The following TENM3 variants were observed in gnomAD, a reference collection of about 807,000 sequenced individuals.
TENM3 encodes teneurin transmembrane protein 3.
Under a neutral mutation model 255.1 loss-of-function variants are expected in TENM3, and 63 were observed. That is an observed-to-expected ratio of 0.25 (90% CI 0.20 to 0.30). The LOEUF (loss-of-function observed/expected upper bound fraction) is 0.30, where lower values mean the gene tolerates loss of function less well. TENM3 is among the 10% of genes least tolerant of loss of function. The pLI is 1.00. For synonymous variants in TENM3, 1,306 were observed against 1,322.3 expected (o/e 0.99, Z 0.27); for missense variants, 2,929 against 3,461.1 (o/e 0.85, Z 3.86).
At chr4:182,028,969 T>C in the TENM3 span, among the ~76,000 whole-genome samples, 1 of 152,170 alleles carries the variant, frequency 6.6e-6, no homozygotes, top group Non-Finnish European at 1.5e-5. Context: ...ATTTAGTCTA[T>C]AGTGCAGATT....
At chr4:181,722,352 T>C in the TENM3 span, among the ~76,000 whole-genome samples, 74 of 152,300 alleles carry the variant, frequency 4.9e-4, 2 homozygotes, top group East Asian at 7.0e-3. Context: ...CTTAAGAATA[T>C]CCTCCAATGA....
At chr4:181,531,964 C>G in the TENM3 span, among the ~76,000 whole-genome samples, 1 of 152,192 alleles carries the variant, frequency 6.6e-6, no homozygotes, top group South Asian at 2.1e-4. Context: ...CTTCGCACAA[C>G]CATCCCCAGG....
At chr4:182,333,463 A>C (rs1213246894) in intron 2 of TENM3, among the ~76,000 whole-genome samples, 1 of 152,214 alleles carries the variant, frequency 6.6e-6, no homozygotes, top group African/African-American at 2.4e-5. Context: ...AATTAGATTA[A>C]TAAATCAAAG....
At chr4:182,281,856 C>T (rs1760405451) in intron 1 of TENM3, among the ~76,000 whole-genome samples, 1 of 152,158 alleles carries the variant, frequency 6.6e-6, no homozygotes, top group African/African-American at 2.4e-5. Flanking sequence ...CTGCCTCAGC[C>T]TCCAGAGTAG....
At chr4:182,155,255 TTTAAAAGA>T (rs1750624973) in intron 1 of TENM3, among the ~76,000 whole-genome samples, 2 of 152,144 alleles carry the variant, frequency 1.3e-5, no homozygotes. Flanking sequence ...TTCTAAAAGT[TTTAAAAGA>T]GTAGTAAAGT....
intron 1 of TENM3, among the ~76,000 whole-genome samples, chr4:182,167,487 A>G (rs998523350): frequency 4.6e-5 from 7 of 152,244 alleles, no homozygotes; most frequent in Admixed American, 3.9e-4. Context: ...TTCAGGAGGC[A>G]TAACAGGATG....
the TENM3 span, among the ~76,000 whole-genome samples, chr4:181,957,151 G>A: frequency 1.3e-5 from 2 of 152,254 alleles, no homozygotes; most frequent in South Asian, 2.1e-4. Context: ...GTTTCAGAGC[G>A]TTTGCTCTAA....
chr4:182,720,221 G>A (rs1422733293), intron 13 of TENM3, among the ~76,000 whole-genome samples: 1 of 152,138 alleles, frequency 6.6e-6, no homozygotes, highest in Non-Finnish European at 1.5e-5. Context: ...ATTACTCAGT[G>A]AAAATAAGGA....
the TENM3 span, among the ~76,000 whole-genome samples, chr4:181,927,750 C>T: frequency 2.0e-5 from 3 of 152,172 alleles, no homozygotes; most frequent in Admixed American, 6.5e-5. Context: ...CAGCACGGGT[C>T]GACAGACACC....
At chr4:181,751,619 A>G in the TENM3 span, among the ~76,000 whole-genome samples, 2 of 115,580 alleles carry the variant, frequency 1.7e-5, no homozygotes, top group African/African-American at 5.4e-5. Flanking sequence ...CAAAAGTACA[A>G]CAGCCTAAGG....
rs1405949661 is a variant in TENM3 at position 182,358,384 on chromosome 4, T to A, written c.511+11455T>A. On this transcript the variant is annotated intron_variant, in intron 3 of 27. Transcript: ENST00000511685. ...GTTCTTCCATTTGTTTGTATCCTCT[T>A]TTATTTCATTGAGCAGTGGTTTGTA... is the stretch of plus-strand genomic sequence containing the variant. 2.7e-5 allele frequency among the ~76,000 whole-genome samples: 4 copies of A among 150,872 alleles called. No homozygotes were observed. In the East Asian group the frequency reaches 7.9e-4, roughly 30 times the overall value.
At chr4:182,047,081 C>G in the TENM3 span, among the ~76,000 whole-genome samples, 1 of 151,854 alleles carries the variant, frequency 6.6e-6, no homozygotes, top group Non-Finnish European at 1.5e-5. Flanking sequence ...TTGTTAGCTT[C>G]TGACTAGAAA....
the TENM3 span, among the ~76,000 whole-genome samples, chr4:181,676,314 G>A: frequency 1.3e-5 from 2 of 152,136 alleles, no homozygotes; most frequent in Admixed American, 6.6e-5. Context: ...CATACTAACA[G>A]TTGGGAAATC....
chr4:181,722,014 T>G, the TENM3 span, among the ~76,000 whole-genome samples: 1 of 152,120 alleles, frequency 6.6e-6, no homozygotes, highest in Non-Finnish European at 1.5e-5. Context: ...CATAAAAATT[T>G]AGAGTCAACA....
At chr4:181,661,340 G>A in the TENM3 span, among the ~76,000 whole-genome samples, 2 of 152,202 alleles carry the variant, frequency 1.3e-5, no homozygotes, top group South Asian at 4.1e-4. Flanking sequence ...GCACTTTCAG[G>A]TTAAAAATAT....
chr4:182,398,165 A>G (rs1464008652), intron 3 of TENM3, among the ~76,000 whole-genome samples: 3 of 152,150 alleles, frequency 2.0e-5, no homozygotes, highest in Non-Finnish European at 4.4e-5. Context: ...ACCAGATTGG[A>G]TCGCTCGCGT....
At chr4:182,434,697 C>A (rs569265321) in intron 3 of TENM3, among the ~76,000 whole-genome samples, 3 of 151,110 alleles carry the variant, frequency 2.0e-5, no homozygotes, top group African/African-American at 7.3e-5. Flanking sequence ...TTGCTTTTTT[C>A]TGCTTGAGCT....
chr4:182,020,776 C>A, the TENM3 span, among the ~76,000 whole-genome samples: 1 of 152,282 alleles, frequency 6.6e-6, no homozygotes, highest in Admixed American at 6.5e-5. Flanking sequence ...GGTTTTCCAT[C>A]ACTCCCAGGA....
At chr4:181,853,567 T>TA in the TENM3 span, among the ~76,000 whole-genome samples, 1 of 152,232 alleles carries the variant, frequency 6.6e-6, no homozygotes, top group East Asian at 1.9e-4. Context: ...AAGAGATACT[T>TA]ATGACATTTA....
Sources: allele counts gnomAD v4.1 joint callset (sites outside exome capture counted in the v4.1 genomes callset), GRCh38; gene constraint gnomAD v4.1.1; transcripts MANE v1.5; gene names NCBI Gene and HGNC (gene_info 2026-07-23, HGNC 2026-07-21).